CTBP2: variants seen among roughly 807,000 people sequenced by gnomAD.
The protein encoded by CTBP2 is C-terminal binding protein 2.
CTBP2 carries 30 observed loss-of-function variants against 80.3 expected under a neutral mutation model. The observed-to-expected ratio is 0.37, with a 90% CI of 0.28 to 0.51. The LOEUF is 0.51. Ranked by LOEUF, CTBP2 falls within the 20% of genes least tolerant of loss-of-function variation. The pLI, the probability that CTBP2 is intolerant of heterozygous loss-of-function variation, is 0.93. For missense variants in CTBP2, 1,212 were observed against 1,375.3 expected (o/e 0.88, Z 1.88); for synonymous variants, 594 against 587.4 (o/e 1.01, Z -0.16).
At chr10:125,078,486 C>T (rs1846640777) in intron 2 of CTBP2, among the ~76,000 whole-genome samples, 1 of 151,832 alleles carries the variant, frequency 6.6e-6, no homozygotes, top group South Asian at 2.1e-4. Context: ...TGTTCTGTGG[C>T]AACCCCAAGA....
At chr10:125,131,795 T>A (rs1039804712) in intron 1 of CTBP2, among the ~76,000 whole-genome samples, 7 of 152,314 alleles carry the variant, frequency 4.6e-5, no homozygotes, top group Middle Eastern at 3.4e-3. Flanking sequence ...ATTTTCCACA[T>A]CCAGCTGACA....
chr10:125,022,196 C>T (rs529537085), intron 1 of CTBP2, among the ~76,000 whole-genome samples: 15 of 152,166 alleles, frequency 9.9e-5, no homozygotes, highest in South Asian at 2.1e-4. Flanking sequence ...GCTTCCCTGC[C>T]GGTGCACACA....
At chr10:125,147,778 T>C (rs1426792805) in intron 1 of CTBP2, among the ~76,000 whole-genome samples, 1 of 152,016 alleles carries the variant, frequency 6.6e-6, no homozygotes, top group African/African-American at 2.4e-5. Flanking sequence ...GTACCTGTAG[T>C]CCCACCTACT....
intron 1 of CTBP2, among the ~76,000 whole-genome samples, chr10:125,003,704 C>T (rs905654201): frequency 2.0e-5 from 3 of 151,878 alleles, no homozygotes; most frequent in African/African-American, 4.8e-5. Flanking sequence ...TGGCTGGAGA[C>T]GCACACGGCT....
chr10:125,061,374 C>A (rs1020384176), intron 2 of CTBP2, among the ~76,000 whole-genome samples: 1 of 152,158 alleles, frequency 6.6e-6, no homozygotes, highest in Non-Finnish European at 1.5e-5. Flanking sequence ...CTTCCCTTGA[C>A]GGTGGCTCCA....
At chr10:125,075,260 G>A (rs74607346) in intron 2 of CTBP2, among the ~76,000 whole-genome samples, 16,867 of 152,034 alleles carry the variant, frequency 0.11, 1,069 homozygotes, top group Middle Eastern at 0.14. Flanking sequence ...ACCACAGTTC[G>A]CATATGGCCC....
chr10:125,012,638 A>ATTG lies in CTBP2; in HGVS notation c.1679-9149_1679-9147dup, dbSNP rs543329188. Among the ~76,000 whole-genome samples the ATTG allele has an allele frequency of 5.6e-4, 85 of 152,256 alleles. No individual in the cohort carries two copies. In the East Asian group the frequency reaches 7.0e-3, roughly 12 times the overall value. On this transcript the variant is annotated intron_variant, in intron 1 of 8. Coordinates refer to ENST00000309035, the MANE Select transcript of CTBP2 (RefSeq NM_022802.3). ...CTCAGGGCATCGCCAAAGACTAAAA[A>ATTG]TTGTTGTTGTTGTTGTTTTGAGATG...
At chr10:124,990,622 A>G (rs1303885499) in intron 8 of CTBP2, among the ~76,000 whole-genome samples, 1 of 152,242 alleles carries the variant, frequency 6.6e-6, no homozygotes. Flanking sequence ...TTCCCAACAG[A>G]GTACAATGGA....
At chr10:125,033,674 TC>T (rs1958514331) in intron 3 of CTBP2, among the ~76,000 whole-genome samples, 1 of 151,840 alleles carries the variant, frequency 6.6e-6, no homozygotes, top group Admixed American at 6.6e-5. Flanking sequence ...GATGCACTGT[TC>T]CCCCCGCGGC....
intron 1 of CTBP2, among the ~76,000 whole-genome samples, chr10:125,120,471 G>C (rs893902881): frequency 6.6e-6 from 1 of 152,058 alleles, no homozygotes; most frequent in Admixed American, 6.6e-5. Context: ...ACTGCAACTT[G>C]CACCTCCCAG....
intron 1 of CTBP2, among the ~76,000 whole-genome samples, chr10:125,145,499 T>A (rs977396220): frequency 6.6e-6 from 1 of 152,022 alleles, no homozygotes; most frequent in Non-Finnish European, 1.5e-5. Flanking sequence ...TGGGGCAGGG[T>A]AGGGCAGGGC....
intron 2 of CTBP2, among the ~76,000 whole-genome samples, chr10:125,078,998 C>T (rs113711528): frequency 1.5e-5 from 2 of 132,688 alleles, no homozygotes; most frequent in South Asian, 5.3e-4. Flanking sequence ...AAAAAAAAAA[C>T]GAGCCGGGCA....
intron 4 of CTBP2, chr10:124,997,505 G>C (rs1293378808): frequency 1.2e-5 from 2 of 171,048 alleles, no homozygotes; most frequent in Non-Finnish European, 2.5e-5. Flanking sequence ...TGGCCTGACT[G>C]TGCCACCCCA....
intron 1 of CTBP2, among the ~76,000 whole-genome samples, chr10:125,015,812 A>T (rs1472600457): frequency 6.6e-6 from 1 of 152,260 alleles, no homozygotes; most frequent in African/African-American, 2.4e-5. Context: ...AATTGTTGCC[A>T]GAGGAATCTG....
intron 1 of CTBP2, among the ~76,000 whole-genome samples, chr10:125,018,397 C>A (rs1956708517): frequency 6.6e-6 from 1 of 152,098 alleles, no homozygotes; most frequent in African/African-American, 2.4e-5. Flanking sequence ...TAGTGGGCAC[C>A]TGTGGTCTCA....
intron 1 of CTBP2, among the ~76,000 whole-genome samples, chr10:125,131,163 T>C (rs1277441292): frequency 6.6e-6 from 1 of 152,150 alleles, no homozygotes; most frequent in Non-Finnish European, 1.5e-5. Context: ...GTGCAGGCTG[T>C]CTGGGAACGC....
chr10:125,101,436 A>G (rs1037234150), intron 2 of CTBP2, among the ~76,000 whole-genome samples: 5 of 152,248 alleles, frequency 3.3e-5, no homozygotes, highest in African/African-American at 4.8e-5. Flanking sequence ...GAGCGGGTGC[A>G]GCAGCATGGT....
intron 2 of CTBP2, among the ~76,000 whole-genome samples, chr10:125,109,254 C>A (rs574488471): frequency 6.6e-6 from 1 of 152,344 alleles, no homozygotes; most frequent in Non-Finnish European, 1.5e-5. Flanking sequence ...CGGAGATGCT[C>A]CCAGGCAGGC....
chr10:125,017,451 C>T (rs1388971415), intron 1 of CTBP2, among the ~76,000 whole-genome samples: 1 of 152,196 alleles, frequency 6.6e-6, no homozygotes, highest in Non-Finnish European at 1.5e-5. Context: ...GAATTCCCAC[C>T]TATCCTTGTG....
Sources: gnomAD v4.1 joint callset for allele counts (sites outside exome capture counted in the v4.1 genomes callset) on GRCh38, gnomAD v4.1.1 for gene constraint, MANE v1.5 for transcripts, NCBI Gene and HGNC (gene_info 2026-07-23, HGNC 2026-07-21) for gene names.